Variants in HIBADH observed in about 807,000 individuals in gnomAD.
HIBADH encodes 3-hydroxyisobutyrate dehydrogenase, mitochondrial.
Under a neutral mutation model 36.1 loss-of-function variants are expected in HIBADH, and 25 were observed. The observed-to-expected ratio is 0.69, with a 90% CI of 0.50 to 0.97. HIBADH has a LOEUF of 0.97. HIBADH is among the 50% of genes least tolerant of loss of function. HIBADH has a pLI of 0.00. For missense variants in HIBADH, 421 were observed against 418.0 expected (o/e 1.01, Z -0.06); for synonymous variants, 160 against 149.5 (o/e 1.07, Z -0.51).
At chr7:27,602,490 T>C (rs1442365748) in intron 4 of HIBADH, among the ~76,000 whole-genome samples, 1 of 152,214 alleles carries the variant, frequency 6.6e-6, no homozygotes, top group Non-Finnish European at 1.5e-5. Flanking sequence ...TTGTAGCTCT[T>C]ACTTTCATTC....
intron 4 of HIBADH, among the ~76,000 whole-genome samples, chr7:27,622,590 T>C (rs530729324): frequency 1.4e-4 from 21 of 151,610 alleles, no homozygotes; most frequent in African/African-American, 3.9e-4. Context: ...AAATGAAAAA[T>C]GACACATTAC....
intron 2 of HIBADH, among the ~76,000 whole-genome samples, chr7:27,639,026 T>TG (rs527856578): frequency 2.1e-3 from 326 of 152,290 alleles, no homozygotes; most frequent in African/African-American, 7.6e-3. Flanking sequence ...GTGGAAGCAG[T>TG]GTGGTGATTC....
intron 4 of HIBADH, among the ~76,000 whole-genome samples, chr7:27,556,198 GAT>G (rs1235836334): frequency 6.6e-6 from 1 of 152,120 alleles, no homozygotes; most frequent in East Asian, 1.9e-4. Context: ...CTTGATACAC[GAT>G]AGTCATTCTG....
intron 4 of HIBADH, among the ~76,000 whole-genome samples, chr7:27,626,233 AT>A (rs1327695995): frequency 6.6e-6 from 1 of 151,690 alleles, no homozygotes; most frequent in African/African-American, 2.4e-5. Flanking sequence ...CCCTTTAAGT[AT>A]ATACACCTAT....
At chr7:27,557,369 C>A (rs1231260313) in intron 4 of HIBADH, among the ~76,000 whole-genome samples, 2 of 152,004 alleles carry the variant, frequency 1.3e-5, no homozygotes, top group African/African-American at 2.4e-5. Context: ...TTACACATTT[C>A]TTGTTAAATT....
At chr7:27,613,237 CCTCCAGGTTAT>C (rs1275714534) in intron 4 of HIBADH, among the ~76,000 whole-genome samples, 3 of 133,388 alleles carry the variant, frequency 2.2e-5, no homozygotes, top group African/African-American at 8.1e-5. Flanking sequence ...CTGAAGCTGT[CCTCCAGGTTAT>C]CTCCAGATTA....
intron 1 of HIBADH, among the ~76,000 whole-genome samples, chr7:27,651,502 T>C (rs1786194777): frequency 6.6e-6 from 1 of 152,230 alleles, no homozygotes; most frequent in Non-Finnish European, 1.5e-5. Context: ...CTCTAACTAA[T>C]GCTCATAAAC....
chr7:27,609,021 C>T (rs995539730), intron 4 of HIBADH, among the ~76,000 whole-genome samples: 11 of 152,106 alleles, frequency 7.2e-5, no homozygotes, highest in Admixed American at 6.5e-5. Flanking sequence ...TAAAATTTGG[C>T]CTTCAGGTCT....
At chr7:27,591,712 A>G (rs1298345943) in intron 4 of HIBADH, among the ~76,000 whole-genome samples, 1 of 152,248 alleles carries the variant, frequency 6.6e-6, no homozygotes, top group Non-Finnish European at 1.5e-5. Context: ...TATTTTCTAA[A>G]AGTACAACTA....
At chr7:27,571,038 A>G (rs1344172962) in intron 4 of HIBADH, among the ~76,000 whole-genome samples, 1 of 151,610 alleles carries the variant, frequency 6.6e-6, no homozygotes, top group East Asian at 1.9e-4. Context: ...CTTTTCTTTC[A>G]TATTTTCCAT....
intron 7 of HIBADH, 95 bp downstream of exon 7, chr7:27,531,097 C>T: frequency 7.8e-7 from 1 of 1,287,452 alleles, no homozygotes; most frequent in Non-Finnish European, 1.1e-6. Context: ...TGCCTCTTAC[C>T]TGAGACATAT....
chr7:27,603,749 A>G (rs1055670352), intron 4 of HIBADH, among the ~76,000 whole-genome samples: 3 of 152,172 alleles, frequency 2.0e-5, no homozygotes, highest in Admixed American at 2.0e-4. Flanking sequence ...ATCTAAAACC[A>G]AGTAAGTTAA....
chr7:27,570,825 A>G (rs1169007437), intron 4 of HIBADH, among the ~76,000 whole-genome samples: 1 of 152,000 alleles, frequency 6.6e-6, no homozygotes, highest in African/African-American at 2.4e-5. Context: ...TAGTTTTACT[A>G]TCATGTATTT....
At chr7:27,654,245 A>T (rs1786253022) in intron 1 of HIBADH, among the ~76,000 whole-genome samples, 1 of 152,234 alleles carries the variant, frequency 6.6e-6, no homozygotes, top group South Asian at 2.1e-4. Flanking sequence ...GCTGTGAGAC[A>T]GCTTCAACCA....
At chr7:27,637,117 ATAG>A (rs1785853899) in intron 2 of HIBADH, among the ~76,000 whole-genome samples, 1 of 152,188 alleles carries the variant, frequency 6.6e-6, no homozygotes, top group African/African-American at 2.4e-5. Flanking sequence ...AGCAGCAGTA[ATAG>A]TAGTAGCAGC....
chr7:27,592,414 G>A (rs1020460025), intron 4 of HIBADH, among the ~76,000 whole-genome samples: 1 of 152,104 alleles, frequency 6.6e-6, no homozygotes, highest in Non-Finnish European at 1.5e-5. Flanking sequence ...TTTTAGGTCA[G>A]AAACCAAAAT....
At chr7:27,635,967 T>C (rs561909095) in intron 2 of HIBADH, among the ~76,000 whole-genome samples, 1 of 152,380 alleles carries the variant, frequency 6.6e-6, no homozygotes, top group South Asian at 2.1e-4. Flanking sequence ...TTGATTTATC[T>C]GTATGCCAGT....
chr7:27,553,562 T>C (rs939809089), intron 4 of HIBADH, among the ~76,000 whole-genome samples: 1 of 152,228 alleles, frequency 6.6e-6, no homozygotes, highest in African/African-American at 2.4e-5. Context: ...GGAGGACTGA[T>C]GCAGTACAGA....
intron 7 of HIBADH, among the ~76,000 whole-genome samples, chr7:27,527,215 G>C (rs1783917233): frequency 6.6e-6 from 1 of 152,176 alleles, no homozygotes; most frequent in Non-Finnish European, 1.5e-5. Flanking sequence ...GGGCTTGTCA[G>C]ACAAGTTGCA....
Sources: gnomAD v4.1 joint callset for allele counts (sites outside exome capture counted in the v4.1 genomes callset) on GRCh38, gnomAD v4.1.1 for gene constraint, MANE v1.5 for transcripts, NCBI Gene and HGNC (gene_info 2026-07-23, HGNC 2026-07-21) for gene names.